KCND2: variants seen among roughly 807,000 people sequenced by gnomAD.
KCND2 encodes A-type voltage-gated potassium channel KCND2.
KCND2 carries 16 observed loss-of-function variants against 54.4 expected under a neutral mutation model. The observed-to-expected ratio is 0.29, with a 90% CI of 0.20 to 0.45. The LOEUF is 0.45. Ranked by LOEUF, KCND2 falls within the 20% of genes least tolerant of loss-of-function variation. KCND2 has a pLI of 1.00. For missense variants in KCND2, 486 were observed against 824.2 expected (o/e 0.59, Z 5.02); for synonymous variants, 317 against 310.7 (o/e 1.02, Z -0.21).
At chr7:120,618,367 A>G (rs1049182091) in intron 1 of KCND2, among the ~76,000 whole-genome samples, 2 of 152,190 alleles carry the variant, frequency 1.3e-5, no homozygotes, top group Admixed American at 6.5e-5. Flanking sequence ...TGTGAATACT[A>G]AATTCTTTAT....
At chr7:120,674,380 C>G (rs1030221106) in intron 1 of KCND2, among the ~76,000 whole-genome samples, 12 of 150,350 alleles carry the variant, frequency 8.0e-5, no homozygotes, top group Non-Finnish European at 1.5e-4. Flanking sequence ...GACTCTTTAC[C>G]TGTGAGTCTA....
In KCND2 at chr7:120,274,467, A is replaced by C; in HGVS notation, c.-166A>C. ...TCTTGGAGGGAAAGTTGCCCTTCTGAGAACTGTGACTTTACCAGGAGCCCT... is the reference window on the plus strand; with the variant it reads ...TCTTGGAGGGAAAGTTGCCCTTCTGCGAACTGTGACTTTACCAGGAGCCCT... On this transcript the variant is annotated 5_prime_UTR_variant, in exon 1 of 6. Coordinates refer to ENST00000331113, the MANE Select transcript of KCND2 (RefSeq NM_012281.3). 1.3e-6 allele frequency: 1 copy of C among 767,670 alleles called. No homozygotes were observed. Among genetic ancestry groups the C allele is most frequent in the Non-Finnish European group, 2.3e-6 (1 of 442,774 alleles). The allele number at this position is 767,670 out of a possible 1,614,324, so 47.6% of individuals were successfully genotyped here.
At chr7:120,441,014 T>C (rs1295467314) in intron 1 of KCND2, among the ~76,000 whole-genome samples, 2 of 151,714 alleles carry the variant, frequency 1.3e-5, no homozygotes, top group East Asian at 3.9e-4. Flanking sequence ...TGTGGGTACA[T>C]GAAAATAGAA....
At chr7:120,309,686 T>C (rs907857791) in intron 1 of KCND2, among the ~76,000 whole-genome samples, 1 of 151,906 alleles carries the variant, frequency 6.6e-6, no homozygotes, top group Non-Finnish European at 1.5e-5. Context: ...TTCTATCTTA[T>C]GGACTTCTAT....
chr7:120,510,937 A>G (rs779069944), intron 1 of KCND2, among the ~76,000 whole-genome samples: 29 of 149,494 alleles, frequency 1.9e-4, no homozygotes, highest in Non-Finnish European at 4.3e-4. Flanking sequence ...ACGGCTTCAC[A>G]TTTCGTAGAA....
intron 1 of KCND2, among the ~76,000 whole-genome samples, chr7:120,452,897 C>T (rs943457769): frequency 6.6e-6 from 1 of 152,136 alleles, no homozygotes; most frequent in African/African-American, 2.4e-5. Context: ...GAGCCAGTAC[C>T]ATCTGAGCAC....
chr7:120,550,210 C>G (rs1028244827), intron 1 of KCND2, among the ~76,000 whole-genome samples: 1 of 151,990 alleles, frequency 6.6e-6, no homozygotes, highest in South Asian at 2.1e-4. Context: ...TTAATTTTCT[C>G]TTCTTTTTTA....
At chr7:120,373,107 C>A (rs1353806844) in intron 1 of KCND2, among the ~76,000 whole-genome samples, 2 of 151,800 alleles carry the variant, frequency 1.3e-5, no homozygotes, top group Non-Finnish European at 2.9e-5. Context: ...CCAAGACTTC[C>A]TAGTGTAATT....
chr7:120,527,971 A>G (rs1292131496), intron 1 of KCND2, among the ~76,000 whole-genome samples: 1 of 152,152 alleles, frequency 6.6e-6, no homozygotes, highest in Non-Finnish European at 1.5e-5. Flanking sequence ...GCTGTGACCT[A>G]ATTGTGGAAA....
chr7:120,352,269 C>A (rs1296921106), intron 1 of KCND2, among the ~76,000 whole-genome samples: 1 of 151,850 alleles, frequency 6.6e-6, no homozygotes, highest in African/African-American at 2.4e-5. Flanking sequence ...TGGTCATTAA[C>A]CCTGTCTATA....
chr7:120,710,835 C>A (rs564774748), intron 1 of KCND2, among the ~76,000 whole-genome samples: 43 of 152,198 alleles, frequency 2.8e-4, no homozygotes, highest in African/African-American at 1.0e-3. Flanking sequence ...GCATTCATAC[C>A]CAATTCATTC....
intron 1 of KCND2, among the ~76,000 whole-genome samples, chr7:120,712,717 C>T (rs540287037): frequency 2.0e-5 from 3 of 152,060 alleles, no homozygotes; most frequent in South Asian, 4.2e-4. Context: ...TAGAAGGAAA[C>T]GAAAAGAAAT....
chr7:120,313,191 A>T (rs1451541775), intron 1 of KCND2, among the ~76,000 whole-genome samples: 1 of 152,194 alleles, frequency 6.6e-6, no homozygotes, highest in Non-Finnish European at 1.5e-5. Context: ...TAAAAGTTGT[A>T]TTGAAACATA....
intron 1 of KCND2, among the ~76,000 whole-genome samples, chr7:120,491,805 A>G (rs906482660): frequency 6.6e-6 from 1 of 152,128 alleles, no homozygotes; most frequent in African/African-American, 2.4e-5. Flanking sequence ...CTACCTATTT[A>G]TGTGATTAGT....
chr7:120,678,504 TA>T (rs1392132873), intron 1 of KCND2, among the ~76,000 whole-genome samples: 1 of 147,514 alleles, frequency 6.8e-6, no homozygotes, highest in Non-Finnish European at 1.5e-5. Flanking sequence ...TACATATAAA[TA>T]TTACATATAC....
chr7:120,339,840 G>A (rs1245988753), intron 1 of KCND2, among the ~76,000 whole-genome samples: 1 of 152,154 alleles, frequency 6.6e-6, no homozygotes, highest in African/African-American at 2.4e-5. Flanking sequence ...TGGCATCTGA[G>A]CAAAGACTTG....
At position 120,678,958 on chromosome 7, in the gene KCND2, G is replaced by T. The variant is rs1042619724; in HGVS notation, c.1116-53945G>T. Reference sequence around the variant, plus strand: ...CAGTACTTTCTAAAATATTGATATTGCTCTTAAACATTAAACTCTTCGAAG... The same window carrying T: ...CAGTACTTTCTAAAATATTGATATTTCTCTTAAACATTAAACTCTTCGAAG... On this transcript the variant is annotated intron_variant, in intron 1 of 5. Coordinates refer to ENST00000331113, the MANE Select transcript of KCND2 (RefSeq NM_012281.3). Among the ~76,000 whole-genome samples, 108 of 151,430 alleles carry T rather than the reference G, an allele frequency of 7.1e-4. 2 individuals carry two copies. The highest frequency in any genetic ancestry group is 2.4e-3 in the African/African-American group (101 of 41,412).
At chr7:120,352,459 T>TATACACAC (rs1299014135) in intron 1 of KCND2, among the ~76,000 whole-genome samples, 3 of 148,112 alleles carry the variant, frequency 2.0e-5, no homozygotes, top group Admixed American at 1.4e-4. Flanking sequence ...CACACATACA[T>TATACACAC]ACACACACAC....
At chr7:120,593,191 A>C (rs1386925757) in intron 1 of KCND2, among the ~76,000 whole-genome samples, 1 of 152,174 alleles carries the variant, frequency 6.6e-6, no homozygotes, top group Non-Finnish European at 1.5e-5. Flanking sequence ...GTACCTATCA[A>C]ATATTCTTTC....
Sources: allele counts gnomAD v4.1 joint callset (sites outside exome capture counted in the v4.1 genomes callset), GRCh38; gene constraint gnomAD v4.1.1; transcripts MANE v1.5; gene names NCBI Gene and HGNC (gene_info 2026-07-23, HGNC 2026-07-21).